GNAQ: variants seen among roughly 807,000 people sequenced by gnomAD.
The protein encoded by GNAQ is G protein subunit alpha q.
In GNAQ, 8 loss-of-function variants were observed where a neutral mutation model predicts 43.9. That is an observed-to-expected ratio of 0.18 (90% CI 0.11 to 0.33). GNAQ has a LOEUF of 0.33. GNAQ is among the 10% of genes least tolerant of loss of function. The pLI is 1.00. For synonymous variants in GNAQ, 155 were observed against 170.7 expected (o/e 0.91, Z 0.71); for missense variants, 158 against 450.8 (o/e 0.35, Z 5.88).
intron 1 of GNAQ, among the ~76,000 whole-genome samples, chr9:78,006,890 T>C (rs754300288): frequency 6.6e-6 from 1 of 152,200 alleles, no homozygotes; most frequent in Non-Finnish European, 1.5e-5. Flanking sequence ...TTCATTTCAG[T>C]TCTTTGCTAG....
intron 1 of GNAQ, among the ~76,000 whole-genome samples, chr9:77,927,712 A>G (rs962601850): frequency 6.6e-6 from 1 of 152,166 alleles, no homozygotes; most frequent in Non-Finnish European, 1.5e-5. Context: ...TGTGGCATTT[A>G]AAGTTACACA....
At chr9:78,006,654 C>T (rs991907147) in intron 1 of GNAQ, among the ~76,000 whole-genome samples, 3 of 152,136 alleles carry the variant, frequency 2.0e-5, no homozygotes, top group Non-Finnish European at 2.9e-5. Context: ...TCCTGAAATA[C>T]GCCTTTTGGA....
intron 5 of GNAQ, among the ~76,000 whole-genome samples, chr9:77,735,793 T>G (rs892600473): frequency 1.3e-5 from 2 of 152,148 alleles, no homozygotes; most frequent in African/African-American, 4.8e-5. Flanking sequence ...TGTGGCCCAG[T>G]GGTGACAGGC....
chr9:77,906,087 T>C (rs1359700621), intron 2 of GNAQ, among the ~76,000 whole-genome samples: 2 of 150,846 alleles, frequency 1.3e-5, no homozygotes, highest in South Asian at 2.1e-4. Context: ...TCCCGGAACT[T>C]AAAGTTAAAA....
In GNAQ at chr9:77,785,212, AGAG is replaced by A. The variant is rs144508397; in HGVS notation, c.735+9248_735+9250del. Among the ~76,000 whole-genome samples, 1,083 of 152,320 alleles carry A rather than the reference AGAG, an allele frequency of 7.1e-3. 13 individuals carry two copies. The highest frequency in any genetic ancestry group is 0.025 in the African/African-American group (1,040 of 41,574). ...AGGACAAGTCCTTAGAAGACACAGA[AGAG>A]GAGAAGGTGGATACAGAGGAGAAGG... On this transcript the variant is annotated intron_variant, in intron 5 of 6. Coordinates refer to ENST00000286548, the MANE Select transcript of GNAQ (RefSeq NM_002072.5).
chr9:77,787,285 C>A (rs1414258418), intron 5 of GNAQ, among the ~76,000 whole-genome samples: 1 of 152,016 alleles, frequency 6.6e-6, no homozygotes, highest in Admixed American at 6.6e-5. Flanking sequence ...AAATAATTAC[C>A]TGAGTGAATA....
chr9:77,995,652 T>C (rs148026180), intron 1 of GNAQ, among the ~76,000 whole-genome samples: 1,802 of 152,116 alleles, frequency 0.012, 16 homozygotes, highest in Non-Finnish European at 0.019. Flanking sequence ...TAATTTTTTT[T>C]TAAACTTTTT....
intron 6 of GNAQ, among the ~76,000 whole-genome samples, chr9:77,728,312 A>C (rs1825431942): frequency 1.3e-5 from 2 of 152,114 alleles, no homozygotes; most frequent in South Asian, 4.1e-4. Flanking sequence ...TTTTTCTATG[A>C]CTTTTAGCAT....
At chr9:77,809,135 G>A (rs78470694) in intron 3 of GNAQ, among the ~76,000 whole-genome samples, 1,870 of 152,240 alleles carry the variant, frequency 0.012, 37 homozygotes, top group African/African-American at 0.041. Context: ...GTAAGCATGC[G>A]TTTAGAAAGT....
intron 2 of GNAQ, among the ~76,000 whole-genome samples, chr9:77,892,608 A>G (rs1828423632): frequency 6.6e-6 from 1 of 152,232 alleles, no homozygotes; most frequent in Admixed American, 6.5e-5. Context: ...AACAACAGTC[A>G]TAAGCAATGT....
At chr9:77,906,089 A>C (rs368592402) in intron 2 of GNAQ, among the ~76,000 whole-genome samples, 15 of 150,754 alleles carry the variant, frequency 9.9e-5, no homozygotes, top group Admixed American at 2.0e-4. Context: ...CCGGAACTTA[A>C]AGTTAAAAAA....
intron 5 of GNAQ, among the ~76,000 whole-genome samples, chr9:77,729,346 C>T (rs1266791645): frequency 2.6e-5 from 4 of 152,182 alleles, no homozygotes; most frequent in African/African-American, 4.8e-5. Context: ...ATATTTCTCA[C>T]TTTCAGCATC....
At position 77,720,407 on chromosome 9, in the gene GNAQ, C is replaced by T. The variant is rs1399291498; in HGVS notation, c.*916G>A. Reference sequence around the variant, plus strand: ...AAGAAAGGAAAAGCTTGAACAACAACAACAAAAAAATTAAGAACAACCTAT... The same window carrying T: ...AAGAAAGGAAAAGCTTGAACAACAATAACAAAAAAATTAAGAACAACCTAT... On this transcript the variant is annotated 3_prime_UTR_variant, in exon 7 of 7. Coordinates refer to ENST00000286548, the MANE Select transcript of GNAQ (RefSeq NM_002072.5). The T allele has an allele frequency of 8.6e-6, 2 of 233,332 alleles. No individual in the cohort carries two copies. The highest frequency in any genetic ancestry group is 1.7e-5 in the Non-Finnish European group (2 of 117,960). The allele number at this position is 233,332 out of a possible 1,614,324, so 14.5% of individuals were successfully genotyped here. A position where few individuals can be genotyped will look rare whatever the true frequency, so the allele number is the denominator to read the frequency against.
intron 2 of GNAQ, among the ~76,000 whole-genome samples, chr9:77,912,624 T>C (rs1360010584): frequency 1.3e-5 from 2 of 152,140 alleles, no homozygotes; most frequent in African/African-American, 4.8e-5. Flanking sequence ...AATAGACATC[T>C]GTAAGCCATT....
At chr9:77,747,894 A>G (rs138467843) in intron 5 of GNAQ, among the ~76,000 whole-genome samples, 1 of 152,314 alleles carries the variant, frequency 6.6e-6, no homozygotes, top group African/African-American at 2.4e-5. Context: ...ATAAAGACTT[A>G]AGTTTGAATT....
intron 2 of GNAQ, among the ~76,000 whole-genome samples, chr9:77,836,146 G>A (rs867245738): frequency 4.6e-5 from 7 of 152,008 alleles, no homozygotes; most frequent in Non-Finnish European, 5.9e-5. Flanking sequence ...GGAAGTCAGC[G>A]GGTATAGTAA....
intron 5 of GNAQ, among the ~76,000 whole-genome samples, chr9:77,761,310 C>G (rs1259776849): frequency 1.5e-5 from 2 of 132,514 alleles, no homozygotes; most frequent in East Asian, 4.9e-4. Flanking sequence ...GCCGCCCCAT[C>G]CGGGAGGGAG....
At chr9:77,908,260 G>A (rs941573695) in intron 2 of GNAQ, among the ~76,000 whole-genome samples, 7 of 152,074 alleles carry the variant, frequency 4.6e-5, no homozygotes, top group African/African-American at 1.7e-4. Flanking sequence ...TCTCAGCAGT[G>A]ACAGAAATCC....
chr9:77,775,520 C>T (rs1587911068), intron 5 of GNAQ, among the ~76,000 whole-genome samples: 2 of 151,872 alleles, frequency 1.3e-5, no homozygotes, highest in East Asian at 1.9e-4. Flanking sequence ...CGCCATTCTC[C>T]TGCCTCAGCC....
Sources: gnomAD v4.1 joint callset for allele counts (sites outside exome capture counted in the v4.1 genomes callset) on GRCh38, gnomAD v4.1.1 for gene constraint, MANE v1.5 for transcripts, NCBI Gene and HGNC (gene_info 2026-07-23, HGNC 2026-07-21) for gene names.